Variants in ERC2 observed in about 807,000 individuals in gnomAD.
ERC2 encodes ERC protein 2.
ERC2 carries 42 observed loss-of-function variants against 114.8 expected under a neutral mutation model. The observed-to-expected ratio is 0.37, with a 90% CI of 0.29 to 0.47. ERC2 has a LOEUF of 0.47. Among genes scored for constraint, ERC2 ranks in the 20% least tolerant of loss-of-function variants. The pLI, the probability that ERC2 is intolerant of heterozygous loss-of-function variation, is 0.99. For missense variants in ERC2, 939 were observed against 1,150.7 expected (o/e 0.82, Z 2.66); for synonymous variants, 454 against 425.5 (o/e 1.07, Z -0.82).
chr3:56,429,224 G>A (rs922334999), intron 2 of ERC2, among the ~76,000 whole-genome samples: 4 of 152,032 alleles, frequency 2.6e-5, no homozygotes, highest in Non-Finnish European at 5.9e-5. Flanking sequence ...GAGAAAATAG[G>A]TTCACTTTAC....
At chr3:56,234,384 T>A (rs547923742) in intron 3 of ERC2, among the ~76,000 whole-genome samples, 16 of 152,328 alleles carry the variant, frequency 1.1e-4, no homozygotes, top group African/African-American at 3.6e-4. Flanking sequence ...TTTTTATAAG[T>A]TCAAATGGGT....
intron 2 of ERC2, among the ~76,000 whole-genome samples, chr3:56,399,038 G>A (rs1424430247): frequency 6.6e-6 from 1 of 152,200 alleles, no homozygotes; most frequent in Admixed American, 6.5e-5. Flanking sequence ...TGTCAAGTGG[G>A]CACAGGTAAT....
At chr3:56,261,507 A>G (rs375801691) in intron 3 of ERC2, among the ~76,000 whole-genome samples, 18 of 152,162 alleles carry the variant, frequency 1.2e-4, no homozygotes, top group African/African-American at 3.9e-4. Context: ...CAGCCATTAA[A>G]TAAATTGCAC....
chr3:56,154,002 TA>T (rs898695236), intron 4 of ERC2, among the ~76,000 whole-genome samples: 2 of 152,180 alleles, frequency 1.3e-5, no homozygotes, highest in Non-Finnish European at 2.9e-5. Flanking sequence ...ATAATTATAT[TA>T]CACTTTATTT....
intron 3 of ERC2, among the ~76,000 whole-genome samples, chr3:56,176,271 G>A (rs1007115487): frequency 2.6e-5 from 4 of 152,136 alleles, no homozygotes; most frequent in Non-Finnish European, 5.9e-5. Flanking sequence ...TATAACTTGA[G>A]GAGAGAGGTT....
intron 14 of ERC2, among the ~76,000 whole-genome samples, chr3:55,829,382 A>G (rs2060473624): frequency 6.6e-6 from 1 of 152,244 alleles, no homozygotes; most frequent in African/African-American, 2.4e-5. Flanking sequence ...GGATATCTCA[A>G]TAGCAGAATG....
chr3:55,547,048 C>T (rs1479273676), intron 17 of ERC2, among the ~76,000 whole-genome samples: 1 of 152,254 alleles, frequency 6.6e-6, no homozygotes, highest in Non-Finnish European at 1.5e-5. Context: ...CCCTTTCTTT[C>T]GTTTGCTGGC....
intron 14 of ERC2, among the ~76,000 whole-genome samples, chr3:55,740,340 T>G (rs1204172869): frequency 6.6e-6 from 1 of 152,148 alleles, no homozygotes; most frequent in African/African-American, 2.4e-5. Context: ...TTCTCCTTAT[T>G]GTATTTTTGT....
intron 14 of ERC2, among the ~76,000 whole-genome samples, chr3:55,849,917 G>A (rs779466559): frequency 5.9e-5 from 9 of 152,092 alleles, no homozygotes; most frequent in Admixed American, 3.9e-4. Context: ...ATAAATTACC[G>A]CTATGGTAAC....
intron 13 of ERC2, among the ~76,000 whole-genome samples, chr3:55,891,610 C>T (rs1197212310): frequency 6.6e-6 from 1 of 151,880 alleles, no homozygotes; most frequent in Non-Finnish European, 1.5e-5. Flanking sequence ...CCACGCCCAG[C>T]TAATTTTTGT....
At chr3:56,214,736 C>T (rs996573938) in intron 3 of ERC2, among the ~76,000 whole-genome samples, 16 of 151,976 alleles carry the variant, frequency 1.1e-4, no homozygotes, top group Non-Finnish European at 1.8e-4. Flanking sequence ...TTAAGGGCAG[C>T]CAGAGAGAAA....
chr3:56,004,145 T>C (rs2072288034), intron 10 of ERC2, among the ~76,000 whole-genome samples: 1 of 152,080 alleles, frequency 6.6e-6, no homozygotes, highest in Non-Finnish European at 1.5e-5. Context: ...GCATAAATCA[T>C]ATTTTGAATT....
At chr3:56,409,501 A>C (rs1229766566) in intron 2 of ERC2, among the ~76,000 whole-genome samples, 2 of 151,270 alleles carry the variant, frequency 1.3e-5, no homozygotes, top group Admixed American at 1.3e-4. Context: ...CAATTATACC[A>C]AACTAAAGCT....
intron 13 of ERC2, among the ~76,000 whole-genome samples, chr3:55,916,067 C>T (rs11713641): frequency 0.58 from 87,841 of 151,996 alleles, 26,479 homozygotes; most frequent in Non-Finnish European, 0.64. Context: ...AACTCTGCTG[C>T]GAGGTCAAGC....
chr3:55,924,568 TC>T (rs1383193924), intron 13 of ERC2, among the ~76,000 whole-genome samples: 2 of 151,808 alleles, frequency 1.3e-5, no homozygotes, highest in Non-Finnish European at 2.9e-5. Context: ...TCCGCAAAAA[TC>T]CTGTGGACCC....
At chr3:56,267,218 T>C (rs868082496) in intron 3 of ERC2, among the ~76,000 whole-genome samples, 4 of 152,138 alleles carry the variant, frequency 2.6e-5, no homozygotes, top group Non-Finnish European at 5.9e-5. Context: ...CATTTCGAAT[T>C]TCAGATTTTT....
chr3:56,010,981 C>T (rs777718101), intron 8 of ERC2, among the ~76,000 whole-genome samples: 5 of 152,180 alleles, frequency 3.3e-5, no homozygotes, highest in Non-Finnish European at 7.3e-5. Context: ...CTCTTGGCTC[C>T]GCCCTCTTTG....
chr3:56,461,339 C>A (rs548347929), intron 1 of ERC2, among the ~76,000 whole-genome samples: 46 of 152,278 alleles, frequency 3.0e-4, no homozygotes, highest in African/African-American at 1.0e-3. Context: ...TTAAAACAAC[C>A]AAAGTTTACT....
intron 2 of ERC2, among the ~76,000 whole-genome samples, chr3:56,311,813 A>G (rs1413702457): frequency 7.9e-6 from 1 of 126,928 alleles, no homozygotes; most frequent in Non-Finnish European, 1.6e-5. Flanking sequence ...AATTATATAC[A>G]TATAAATGTG....
Sources: allele counts gnomAD v4.1 joint callset (sites outside exome capture counted in the v4.1 genomes callset), GRCh38; gene constraint gnomAD v4.1.1; transcripts MANE v1.5; gene names NCBI Gene and HGNC (gene_info 2026-07-23, HGNC 2026-07-21).